CACNB4: variants seen among roughly 807,000 people sequenced by gnomAD.
CACNB4 encodes voltage-dependent L-type calcium channel subunit beta-4.
Under a neutral mutation model 71.2 loss-of-function variants are expected in CACNB4, and 32 were observed. The observed-to-expected ratio is 0.45, with a 90% CI of 0.34 to 0.60. The LOEUF (loss-of-function observed/expected upper bound fraction) is 0.60, where lower values mean the gene tolerates loss of function less well. CACNB4 is among the 20% of genes least tolerant of loss of function. The probability of loss-of-function intolerance (pLI) is 0.01; values close to 1 mark genes in which losing one functional copy is unlikely to be tolerated. For synonymous variants in CACNB4, 231 were observed against 236.9 expected (o/e 0.97, Z 0.23); for missense variants, 464 against 647.9 (o/e 0.72, Z 3.08).
At chr2:151,929,626 T>C (rs2099861128) in intron 2 of CACNB4, among the ~76,000 whole-genome samples, 1 of 152,174 alleles carries the variant, frequency 6.6e-6, no homozygotes, top group Non-Finnish European at 1.5e-5. Context: ...TTGCAGATAA[T>C]ATGACTGTAT....
chr2:151,885,550 T>C (rs2099849148), intron 2 of CACNB4, among the ~76,000 whole-genome samples: 1 of 152,220 alleles, frequency 6.6e-6, no homozygotes, highest in Non-Finnish European at 1.5e-5. Context: ...CATTTTCACA[T>C]TGATAAAAAC....
intron 2 of CACNB4, among the ~76,000 whole-genome samples, chr2:152,005,990 C>G (rs183581762): frequency 1.3e-5 from 2 of 152,346 alleles, no homozygotes; most frequent in East Asian, 1.9e-4. Context: ...TCTACTCCAC[C>G]TGTCTTTGTC....
At chr2:151,869,504 G>A (rs930277717) in intron 8 of CACNB4, 7 of 339,454 alleles carry the variant, frequency 2.1e-5, no homozygotes, top group East Asian at 5.0e-5. Flanking sequence ...CTCTTCCCTC[G>A]TTAGGGGATA....
intron 2 of CACNB4, among the ~76,000 whole-genome samples, chr2:152,090,546 G>T (rs934164667): frequency 6.6e-6 from 1 of 151,916 alleles, no homozygotes; most frequent in African/African-American, 2.4e-5. Context: ...GGGAGGCTGA[G>T]GCAGGAGAAT....
chr2:152,076,136 C>CTTTTTTTTTTT (rs35400714), intron 2 of CACNB4, among the ~76,000 whole-genome samples: 2 of 71,202 alleles, frequency 2.8e-5, no homozygotes, highest in African/African-American at 5.5e-5. Flanking sequence ...CACCTCTTTT[C>CTTTTTTTTTTT]TTTTTTTTTT....
chr2:151,961,883 C>T (rs949479979), intron 2 of CACNB4, among the ~76,000 whole-genome samples: 1 of 116,790 alleles, frequency 8.6e-6, no homozygotes, highest in East Asian at 2.0e-4. Context: ...CAGAGGAAGA[C>T]CCTGTCTCAA....
chr2:151,855,297 A>G lies in CACNB4; in HGVS notation c.947T>C (p.Ile316Thr). Residue 316 changes from isoleucine (I) to threonine (T), a missense_variant, in exon 11 of 14, where the codon ATC becomes ACC. Transcript: ENST00000539935. Reference protein sequence around the residue: ...LQLVVLDADTINHPAQLIKTS... With the variant: ...LQLVVLDADTTNHPAQLIKTS... The stretch of plus-strand genomic sequence containing the variant: ...CTTTATAAGTTGTGCTGGGTGATTG[A>G]TGGTGTCTGCATCAAGAACAACCAG... 6.3e-7 allele frequency: 1 copy of G among 1,598,878 alleles called. No individual in the cohort carries two copies. Among genetic ancestry groups the G allele is most frequent in the Non-Finnish European group, 8.6e-7 (1 of 1,167,768 alleles).
At chr2:151,893,540 T>A (rs1046827536) in intron 2 of CACNB4, among the ~76,000 whole-genome samples, 4 of 152,096 alleles carry the variant, frequency 2.6e-5, no homozygotes, top group Non-Finnish European at 5.9e-5. Context: ...TCGCACTCAG[T>A]CTTATAGCTT....
chr2:151,989,541 C>T (rs533435326), intron 2 of CACNB4, among the ~76,000 whole-genome samples: 2 of 152,284 alleles, frequency 1.3e-5, no homozygotes, highest in African/African-American at 2.4e-5. Context: ...TTCTCTTCTA[C>T]TTCTCTGGCC....
intron 2 of CACNB4, among the ~76,000 whole-genome samples, chr2:151,948,398 T>C (rs1286545284): frequency 6.6e-6 from 1 of 152,218 alleles, no homozygotes; most frequent in Non-Finnish European, 1.5e-5. Context: ...CAGTGGTTCA[T>C]GCCTGTAATC....
At chr2:152,091,219 G>A (rs780026215) in intron 2 of CACNB4, among the ~76,000 whole-genome samples, 6 of 152,186 alleles carry the variant, frequency 3.9e-5, no homozygotes, top group Middle Eastern at 3.4e-3. Flanking sequence ...TGCCAAGAGC[G>A]ACAGAGTTCT....
intron 2 of CACNB4, among the ~76,000 whole-genome samples, chr2:152,003,926 C>T (rs1230818794): frequency 6.6e-6 from 1 of 152,034 alleles, no homozygotes; most frequent in African/African-American, 2.4e-5. Context: ...CTCACTGCAG[C>T]CTTAAACTTC....
At chr2:151,949,228 A>T (rs1206678456) in intron 2 of CACNB4, among the ~76,000 whole-genome samples, 1 of 151,824 alleles carries the variant, frequency 6.6e-6, no homozygotes, top group South Asian at 2.1e-4. Context: ...TCCTGACCTA[A>T]GAGGACTGAC....
At chr2:151,926,050 C>T (rs1201263135) in intron 2 of CACNB4, among the ~76,000 whole-genome samples, 2 of 152,018 alleles carry the variant, frequency 1.3e-5, no homozygotes, top group Admixed American at 1.3e-4. Context: ...AGGTTAGGAC[C>T]AAAGTTATAA....
intron 2 of CACNB4, among the ~76,000 whole-genome samples, chr2:152,007,649 T>C (rs75047625): frequency 3.9e-5 from 6 of 152,210 alleles, no homozygotes; most frequent in Non-Finnish European, 8.8e-5. Context: ...CTTCCACATT[T>C]TGGCTATTGT....
intron 2 of CACNB4, among the ~76,000 whole-genome samples, chr2:151,984,116 C>T (rs1386569599): frequency 6.6e-6 from 1 of 152,072 alleles, no homozygotes; most frequent in East Asian, 1.9e-4. Context: ...ATCATAATGC[C>T]CCCTGAATTT....
chr2:151,849,551 C>T (rs1277864421), intron 12 of CACNB4, among the ~76,000 whole-genome samples: 1 of 152,204 alleles, frequency 6.6e-6, no homozygotes, highest in East Asian at 1.9e-4. Flanking sequence ...GCTGGGACTA[C>T]AGGCACTCAC....
chr2:151,962,647 A>T (rs1367495275), intron 2 of CACNB4, among the ~76,000 whole-genome samples: 1 of 152,238 alleles, frequency 6.6e-6, no homozygotes, highest in Non-Finnish European at 1.5e-5. Context: ...GAGAACACTA[A>T]CATTTCCCTA....
intron 13 of CACNB4, among the ~76,000 whole-genome samples, chr2:151,841,113 G>A (rs973414630): frequency 6.6e-6 from 1 of 152,192 alleles, no homozygotes; most frequent in Non-Finnish European, 1.5e-5. Flanking sequence ...ATCAGTTACT[G>A]TTTCTGAACA....
Sources: gnomAD v4.1 joint callset for allele counts (sites outside exome capture counted in the v4.1 genomes callset) on GRCh38, gnomAD v4.1.1 for gene constraint, MANE v1.5 for transcripts, NCBI Gene and HGNC (gene_info 2026-07-23, HGNC 2026-07-21) for gene names.